HEPHL1: variants seen among roughly 807,000 people sequenced by gnomAD.
HEPHL1 encodes hephaestin like 1.
HEPHL1 carries 123 observed loss-of-function variants against 122.0 expected under a neutral mutation model. The ratio of observed to expected loss-of-function variants is 1.01; its 90% CI spans 0.87 to 1.17. The LOEUF (loss-of-function observed/expected upper bound fraction) is 1.17, where lower values mean the gene tolerates loss of function less well. Among genes scored for constraint, HEPHL1 ranks in the 50% most tolerant of loss-of-function variants. The probability of loss-of-function intolerance (pLI) is 0.00; values close to 1 mark genes in which losing one functional copy is unlikely to be tolerated. For synonymous variants in HEPHL1, 527 were observed against 508.9 expected (o/e 1.04, Z -0.48); for missense variants, 1,452 against 1,430.5 (o/e 1.01, Z -0.24).
intron 13 of HEPHL1, 58 bp from the exon 14 acceptor site, chr11:94,101,137 A>C: frequency 6.4e-7 from 1 of 1,572,846 alleles, no homozygotes; most frequent in Non-Finnish European, 8.7e-7. Context: ...CTATATTTAA[A>C]TTACACTAAT....
chr11:94,021,374 T>A lies in HEPHL1; in HGVS notation c.6T>A (p.Pro2=), dbSNP rs371764378. 13 of 1,611,616 alleles carry A rather than the reference T, an allele frequency of 8.1e-6. No individual in the cohort carries two copies. The highest frequency in any genetic ancestry group is 1.7e-4 in the Middle Eastern group (1 of 6,044). The change falls in exon 1 of 20, where the codon CCT becomes CCA. Residue 2 remains proline, a synonymous_variant. Transcript: ENST00000315765. M[P]RKQPAGCIFL... ...TGCTTGAGTTACATCCACAAATGCCTCGGAAGCAGCCAGCTGGCTGCATCT... is the reference window on the plus strand; with the variant it reads ...TGCTTGAGTTACATCCACAAATGCCACGGAAGCAGCCAGCTGGCTGCATCT...
At position 94,045,820 on chromosome 11, in the gene HEPHL1, C is replaced by T. The variant is rs576118929; in HGVS notation, c.318C>T (p.Ala106=). The part of the protein sequence containing the change: ...WLGFLGPILR[A]EVGDVIVIHL... ...GATTCCTGGGCCCCATCTTGAGGGC[C>T]GAAGTGGGTGATGTGATTGTCATTC... is the stretch of plus-strand genomic sequence containing the variant. The change falls in exon 2 of 20, where the codon GCC becomes GCT. Residue 106 remains alanine, a synonymous_variant. Coordinates refer to ENST00000315765, the MANE Select transcript of HEPHL1 (RefSeq NM_001098672.2). The T allele has an allele frequency of 2.4e-5, 39 of 1,613,888 alleles. No individual in the cohort carries two copies. The highest frequency in any genetic ancestry group is 3.1e-5 in the Non-Finnish European group (37 of 1,179,854).
chr11:94,093,422 A>G, intron 12 of HEPHL1, 79 bp from the exon 13 acceptor site: 1 of 1,531,252 alleles, frequency 6.5e-7, no homozygotes, highest in Non-Finnish European at 9.0e-7. Flanking sequence ...CTTCTCCAGA[A>G]TACCCCTGAA....
chr11:94,030,316 C>T (rs1945661978), intron 1 of HEPHL1, among the ~76,000 whole-genome samples: 1 of 152,160 alleles, frequency 6.6e-6, no homozygotes, highest in African/African-American at 2.4e-5. Context: ...CTTCCTTCTC[C>T]TTTTGCACAG....
intron 17 of HEPHL1, among the ~76,000 whole-genome samples, chr11:94,109,805 A>C (rs1020908662): frequency 2.0e-5 from 3 of 152,160 alleles, no homozygotes; most frequent in African/African-American, 7.2e-5. Context: ...TTCCTCACAA[A>C]GCATTTGTTT....
chr11:94,113,487 A>G lies in HEPHL1; in HGVS notation c.*1593A>G, dbSNP rs547227605. The G allele has an allele frequency of 1.7e-4, 26 of 152,360 alleles. No individual in the cohort carries two copies. The highest frequency in any genetic ancestry group is 6.3e-4 in the African/African-American group (26 of 41,592). The allele number at this position is 152,360 out of a possible 1,614,324, so 9.4% of individuals were successfully genotyped here. On this transcript the variant is annotated 3_prime_UTR_variant, in exon 20 of 20. Transcript: ENST00000315765. ...TGTTCATAGTTTGCTTGAATGTCAT[A>G]TCAAACAGCATACACAAAAGATTTT...
chr11:94,109,734 C>G (rs1946434475), intron 17 of HEPHL1, among the ~76,000 whole-genome samples: 1 of 151,998 alleles, frequency 6.6e-6, no homozygotes, highest in Non-Finnish European at 1.5e-5. Context: ...AATTGATTTG[C>G]TAGTATTTTG....
intron 1 of HEPHL1, among the ~76,000 whole-genome samples, chr11:94,034,182 G>A (rs1194137994): frequency 6.6e-6 from 1 of 152,214 alleles, no homozygotes; most frequent in Admixed American, 6.5e-5. Context: ...ATTTGAACCT[G>A]TGGATCCTTC....
chr11:94,101,047 C>G, intron 13 of HEPHL1, 148 bp from the exon 14 acceptor site: 1 of 753,324 alleles, frequency 1.3e-6, no homozygotes, highest in South Asian at 1.7e-5. Flanking sequence ...CAATGTTGCT[C>G]TCTAAAGTGG....
In HEPHL1 at chr11:94,088,976, A is replaced by G. The variant is rs760739880; in HGVS notation, c.2294+8A>G. 15 of 1,613,304 alleles carry G rather than the reference A, an allele frequency of 9.3e-6. No homozygotes were observed. Among genetic ancestry groups the G allele is most frequent in the African/African-American group, 4.0e-5 (3 of 74,906 alleles). On this transcript the variant is annotated splice_region_variant and intron_variant, in intron 12 of 19. Coordinates refer to ENST00000315765, the MANE Select transcript of HEPHL1 (RefSeq NM_001098672.2). Reference sequence around the variant, plus strand: ...GGACGCAAGAGGGGAAAGGTACCACAGGCGCCGCCGCTAGGGCTCCTCGGT... The same window carrying G: ...GGACGCAAGAGGGGAAAGGTACCACGGGCGCCGCCGCTAGGGCTCCTCGGT...
In HEPHL1 at chr11:94,103,012, T is replaced by G; in HGVS notation, c.2674T>G (p.Phe892Val). Residue 892 changes from phenylalanine (F) to valine (V), a missense_variant, in exon 15 of 20, where the codon TTT (phenylalanine) becomes GTT (valine). Phe to Val is a conservative substitution (Grantham distance 50, BLOSUM62 -1). Coordinates refer to ENST00000315765, the MANE Select transcript of HEPHL1 (RefSeq NM_001098672.2). ...ATGGGTTTACTATTCAACAGTAAAC[T>G]TTGTGAAGGTAAGGTGGAGAAAGCA... ...IPWVYYSTVN[F>V]VKDTYSGLMG... 1.3e-6 allele frequency: 2 copies of G among 1,578,488 alleles called. No individual in the cohort carries two copies. The highest frequency in any genetic ancestry group is 1.7e-6 in the Non-Finnish European group (2 of 1,147,662).
intron 2 of HEPHL1, among the ~76,000 whole-genome samples, chr11:94,061,485 C>A (rs1282083574): frequency 1.3e-5 from 2 of 152,082 alleles, no homozygotes; most frequent in Non-Finnish European, 2.9e-5. Flanking sequence ...GATGTGATGT[C>A]CTATGAGTCA....
rs181070734 is a variant in HEPHL1, at chr11:94,046,315, C to T, written c.415+398C>T. 3.3e-5 allele frequency among the ~76,000 whole-genome samples: 5 copies of T among 151,330 alleles called. No individual in the cohort carries two copies. The East Asian group carries it at 9.7e-4, about 29-fold the overall frequency. ...GTTTCACCACGTTGGCCAAGCTGGT[C>T]TCAACCTCCTGACCTCAAATGATCC... is the stretch of plus-strand genomic sequence containing the variant. On this transcript the variant is annotated intron_variant, in intron 2 of 19. Coordinates refer to ENST00000315765, the MANE Select transcript of HEPHL1 (RefSeq NM_001098672.2).
intron 1 of HEPHL1, among the ~76,000 whole-genome samples, chr11:94,037,708 A>T (rs991084978): frequency 6.6e-6 from 1 of 152,080 alleles, no homozygotes; most frequent in Admixed American, 6.5e-5. Flanking sequence ...TCCACACCGA[A>T]TACCCATCTG....
chr11:94,111,135 T>C (rs879717332), intron 18 of HEPHL1, 70 bp downstream of exon 18: 4 of 1,348,334 alleles, frequency 3.0e-6, no homozygotes, highest in African/African-American at 2.9e-5. Context: ...ACAGGAGGCA[T>C]GACAAAAACC....
At position 94,073,172 on chromosome 11, in the gene HEPHL1, A is replaced by G; in HGVS notation, c.1372+8A>G. 1 of 1,612,914 alleles carries G rather than the reference A, an allele frequency of 6.2e-7. No individual in the cohort carries two copies. The highest frequency in any genetic ancestry group is 8.5e-7 in the Non-Finnish European group (1 of 1,179,368). On this transcript the variant is annotated splice_region_variant and intron_variant, in intron 7 of 19. Transcript: ENST00000315765. ...CCCATCTTGGAATTCTTGGTACAGT[A>G]AAACCATCCCCCATGCATTGAACCC... is the stretch of plus-strand genomic sequence containing the variant.
chr11:94,094,330 A>G lies in HEPHL1; in HGVS notation c.2434+690A>G, dbSNP rs537966477. 2.3e-4 allele frequency among the ~76,000 whole-genome samples: 35 copies of G among 152,110 alleles called. No individual in the cohort carries two copies. In the South Asian group the frequency reaches 6.8e-3, roughly 30 times the overall value. On this transcript the variant is annotated intron_variant, in intron 13 of 19. Coordinates refer to ENST00000315765, the MANE Select transcript of HEPHL1 (RefSeq NM_001098672.2). ...ATGTCCCTACAAAGGACATGAACTC[A>G]TCATTTTTTATGGCTGCATAGTATT... is the stretch of plus-strand genomic sequence containing the variant.
chr11:94,090,140 G>A (rs1030810681), intron 12 of HEPHL1, among the ~76,000 whole-genome samples: 14 of 152,010 alleles, frequency 9.2e-5, no homozygotes, highest in African/African-American at 3.4e-4. Context: ...TTAAGAACAG[G>A]AGAATTTTAA....
intron 5 of HEPHL1, among the ~76,000 whole-genome samples, chr11:94,069,965 G>A (rs1028333901): frequency 6.6e-6 from 1 of 152,054 alleles, no homozygotes; most frequent in African/African-American, 2.4e-5. Flanking sequence ...AGAATTATTA[G>A]TCTTTCTAAT....
Sources: gnomAD v4.1 joint callset for allele counts (sites outside exome capture counted in the v4.1 genomes callset) on GRCh38, gnomAD v4.1.1 for gene constraint, MANE v1.5 for transcripts, NCBI Gene and HGNC (gene_info 2026-07-23, HGNC 2026-07-21) for gene names.